The following BCAT1 variants were observed in gnomAD, a reference collection of about 807,000 sequenced individuals.
The protein encoded by BCAT1 is branched chain amino acid transaminase 1.
In BCAT1, 48 loss-of-function variants were observed where a neutral mutation model predicts 52.4. The observed-to-expected ratio is 0.92, with a 90% CI of 0.73 to 1.16. BCAT1 has a LOEUF of 1.16. BCAT1 is among the 50% of genes most tolerant of loss of function. BCAT1 has a pLI of 0.00. For missense variants in BCAT1, 451 were observed against 457.1 expected, an observed-to-expected ratio of 0.99 and a Z score of 0.12; for synonymous variants, 167 against 161.3, an observed-to-expected ratio of 1.04 and a Z score of -0.27.
chr12:24,868,554 C>T (rs896162764), intron 5 of BCAT1, among the ~76,000 whole-genome samples: 1 of 152,086 alleles, frequency 6.6e-6, no homozygotes, highest in Admixed American at 6.5e-5. Flanking sequence ...GGATAGACCA[C>T]TCAATAAATG....
At chr12:24,917,966 A>G (rs1943444103) in intron 1 of BCAT1, among the ~76,000 whole-genome samples, 1 of 152,232 alleles carries the variant, frequency 6.6e-6, no homozygotes, top group Non-Finnish European at 1.5e-5. Context: ...AATTAAGTAA[A>G]TGGGAATGAT....
intron 1 of BCAT1, among the ~76,000 whole-genome samples, chr12:24,909,185 T>C (rs763579151): frequency 6.6e-6 from 1 of 151,964 alleles, no homozygotes; most frequent in African/African-American, 2.4e-5. Flanking sequence ...AAAGTTTCTT[T>C]AAAAAAAATA....
intron 2 of BCAT1, among the ~76,000 whole-genome samples, chr12:24,897,888 T>A (rs1225559149): frequency 1.3e-5 from 2 of 152,054 alleles, no homozygotes; most frequent in Non-Finnish European, 2.9e-5. Context: ...TACGATTAGG[T>A]GGCTTCAGAA....
chr12:24,943,573 A>G (rs1943881038), intron 1 of BCAT1, among the ~76,000 whole-genome samples: 1 of 151,682 alleles, frequency 6.6e-6, no homozygotes, highest in African/African-American at 2.4e-5. Context: ...GATCAATAGC[A>G]CAATAGACTA....
intron 1 of BCAT1, chr12:24,904,484 T>C (rs1262824567): frequency 6.6e-6 from 1 of 152,396 alleles, no homozygotes; most frequent in Admixed American, 6.5e-5. Context: ...ATTACAGGCG[T>C]GAGCCACGGC....
chr12:24,941,188 TA>T (rs1943842450), intron 1 of BCAT1, among the ~76,000 whole-genome samples: 1 of 152,230 alleles, frequency 6.6e-6, no homozygotes, highest in Admixed American at 6.5e-5. Flanking sequence ...TATTCCTATG[TA>T]GCATCTTTTT....
Position 24,811,632 on chromosome 12 carries a change from G to C in BCAT1, c.*6376C>G, listed in dbSNP as rs1364515485. 1 of 152,044 alleles carries C rather than the reference G, an allele frequency of 6.6e-6. No homozygotes were observed. The highest frequency in any genetic ancestry group is 1.5e-5 in the Non-Finnish European group (1 of 67,974). 9.4% of individuals were successfully genotyped at this position (152,044 alleles called of 1,614,324 possible). ...CCACATTTCCATTATTACACTTTTA[G>C]TGAGCTAAAATCCTTTTAACATAGC... On this transcript the variant is annotated 3_prime_UTR_variant, in exon 11 of 11. Transcript: ENST00000261192.
intron 5 of BCAT1, among the ~76,000 whole-genome samples, chr12:24,856,709 G>A (rs1941695730): frequency 6.6e-6 from 1 of 152,164 alleles, no homozygotes; most frequent in South Asian, 2.1e-4. Context: ...ACCTGTGGTT[G>A]AAGCTGCCTA....
chr12:24,938,464 A>G (rs1235480496), intron 1 of BCAT1, among the ~76,000 whole-genome samples: 1 of 152,168 alleles, frequency 6.6e-6, no homozygotes. Context: ...CAGAGCATCA[A>G]GAGAGTGAAG....
chr12:24,881,648 C>T (rs538058424), intron 3 of BCAT1, among the ~76,000 whole-genome samples: 2 of 152,292 alleles, frequency 1.3e-5, no homozygotes, highest in African/African-American at 4.8e-5. Context: ...CCGAGTTCTC[C>T]TCTGCTTAGC....
chr12:24,915,895 C>A (rs1488948341), intron 1 of BCAT1, among the ~76,000 whole-genome samples: 1 of 152,202 alleles, frequency 6.6e-6, no homozygotes, highest in African/African-American at 2.4e-5. Flanking sequence ...CAGTGGCTCA[C>A]GCCTGTAATC....
At chr12:24,928,904 T>TA in intron 1 of BCAT1, among the ~76,000 whole-genome samples, 2 of 151,946 alleles carry the variant, frequency 1.3e-5, no homozygotes, top group Admixed American at 6.6e-5. Context: ...CCGGCTAATT[T>TA]TTTTTATTTT....
chr12:24,934,230 A>G (rs2139748801), intron 1 of BCAT1, among the ~76,000 whole-genome samples: 1 of 152,268 alleles, frequency 6.6e-6, no homozygotes, highest in African/African-American at 2.4e-5. Flanking sequence ...AAAGTGTGGC[A>G]CTTCTCCCTT....
At chr12:24,862,348 C>G (rs1298878374) in intron 5 of BCAT1, among the ~76,000 whole-genome samples, 1 of 152,214 alleles carries the variant, frequency 6.6e-6, no homozygotes, top group African/African-American at 2.4e-5. Context: ...GAAACCAGTG[C>G]TTCTGAAAGA....
intron 5 of BCAT1, among the ~76,000 whole-genome samples, chr12:24,865,918 C>T (rs1473628095): frequency 6.6e-6 from 1 of 152,208 alleles, no homozygotes; most frequent in East Asian, 1.9e-4. Flanking sequence ...GTGCTGGCAG[C>T]CCTCCCAGCC....
At chr12:24,917,194 A>ATTT (rs1943425355) in intron 1 of BCAT1, among the ~76,000 whole-genome samples, 2 of 99,942 alleles carry the variant, frequency 2.0e-5, no homozygotes, top group African/African-American at 7.1e-5. Flanking sequence ...AGAGCTTTGG[A>ATTT]CTTTTTTTTT....
In BCAT1 at chr12:24,829,772, TAAAAA is replaced by T. The variant is rs35406045; in HGVS notation, c.1119+46_1119+50del. 7.3e-5 allele frequency: 99 copies of T among 1,363,936 alleles called. 2 individuals carry two copies. The East Asian group carries it at 2.3e-3, about 32-fold the overall frequency. 84.5% of individuals were successfully genotyped at this position (1,363,936 alleles called of 1,614,324 possible). A position where few individuals can be genotyped will look rare whatever the true frequency, so the allele number is the denominator to read the frequency against. On this transcript the variant is annotated intron_variant, in intron 10 of 10. Coordinates refer to ENST00000261192, the MANE Select transcript of BCAT1 (RefSeq NM_005504.7). The stretch of plus-strand genomic sequence containing the variant: ...AAGCTCTGACAGAAATAAGGTGACA[TAAAAA>T]AAAGAAAAGAAAAGGAAAGAAAAGA...
intron 1 of BCAT1, among the ~76,000 whole-genome samples, chr12:24,935,892 C>T (rs1348924566): frequency 6.6e-6 from 1 of 152,184 alleles, no homozygotes; most frequent in East Asian, 1.9e-4. Context: ...TCACCAACAA[C>T]ACATTATGAA....
intron 5 of BCAT1, among the ~76,000 whole-genome samples, chr12:24,862,220 C>G (rs887963106): frequency 6.6e-6 from 1 of 152,222 alleles, no homozygotes; most frequent in Non-Finnish European, 1.5e-5. Context: ...TGATCTTACT[C>G]TGTGGACTCA....
Sources: gnomAD v4.1 joint callset for allele counts (sites outside exome capture counted in the v4.1 genomes callset) on GRCh38, gnomAD v4.1.1 for gene constraint, MANE v1.5 for transcripts, NCBI Gene and HGNC (gene_info 2026-07-23, HGNC 2026-07-21) for gene names.